Variants in HIPK3 observed in about 807,000 individuals in gnomAD.
The protein encoded by HIPK3 is homeodomain-interacting protein kinase 3.
In HIPK3, 47 loss-of-function variants were observed where a neutral mutation model predicts 124.2. The ratio of observed to expected loss-of-function variants is 0.38; its 90% CI spans 0.30 to 0.48. The LOEUF is 0.48. Among genes scored for constraint, HIPK3 ranks in the 20% least tolerant of loss-of-function variants. HIPK3 has a pLI of 0.98. For synonymous variants in HIPK3, 482 were observed against 515.2 expected, an observed-to-expected ratio of 0.94 and a Z score of 0.87; for missense variants, 1,286 against 1,454.3, an observed-to-expected ratio of 0.88 and a Z score of 1.88.
intron 8 of HIPK3, among the ~76,000 whole-genome samples, chr11:33,346,000 A>G (rs1032874603): frequency 1.3e-5 from 2 of 152,168 alleles, no homozygotes; most frequent in African/African-American, 2.4e-5. Context: ...AATTGATTAT[A>G]TTATATTTAA....
chr11:33,307,010 C>A (rs1852181150), intron 2 of HIPK3, among the ~76,000 whole-genome samples: 1 of 150,290 alleles, frequency 6.7e-6, no homozygotes, highest in Admixed American at 6.7e-5. Flanking sequence ...GCGAACTCAG[C>A]TCGCTGCAAC....
intron 3 of HIPK3, among the ~76,000 whole-genome samples, chr11:33,334,215 T>C (rs566311762): frequency 2.0e-5 from 3 of 152,300 alleles, no homozygotes; most frequent in East Asian, 3.9e-4. Context: ...ATAATAATTA[T>C]AAATGCATGT....
intron 1 of HIPK3, among the ~76,000 whole-genome samples, chr11:33,277,275 G>C (rs1851297669): frequency 6.6e-6 from 1 of 152,002 alleles, no homozygotes; most frequent in African/African-American, 2.4e-5. Flanking sequence ...TTTGTCTTCT[G>C]TTAACTTTAT....
At chr11:33,308,222 CAT>C (rs998549604) in intron 2 of HIPK3, among the ~76,000 whole-genome samples, 1 of 152,162 alleles carries the variant, frequency 6.6e-6, no homozygotes, top group South Asian at 2.1e-4. Context: ...CAGATGACCT[CAT>C]ATGTGTGGGT....
intron 1 of HIPK3, among the ~76,000 whole-genome samples, chr11:33,285,785 T>C (rs1851532306): frequency 1.3e-5 from 2 of 152,130 alleles, no homozygotes; most frequent in African/African-American, 4.8e-5. Flanking sequence ...CTGTACTTTT[T>C]TTTTGAGACA....
At position 33,286,741 on chromosome 11, in the gene HIPK3, T is replaced by A. The variant is rs951113658; in HGVS notation, c.327T>A (p.Ile109=). The A allele has an allele frequency of 6.2e-7, 1 of 1,613,958 alleles. No individual in the cohort carries two copies. The highest frequency in any genetic ancestry group is 1.1e-5 in the South Asian group (1 of 91,086). ...AAGCTCACGTGCAGGCACCTCAGAT[T>A]GGGGCGTGGCGAAACAGATTGCATT... ...AQQAHVQAPQ[I]GAWRNRLHFL... is the part of the protein sequence containing the mutation. Residue 109 remains isoleucine (I), a synonymous_variant, in exon 2 of 17, where the codon ATT becomes ATA. Coordinates refer to ENST00000303296, the MANE Select transcript of HIPK3 (RefSeq NM_005734.5).
chr11:33,293,728 A>G (rs1325844871), intron 2 of HIPK3, among the ~76,000 whole-genome samples: 2 of 152,198 alleles, frequency 1.3e-5, no homozygotes, highest in African/African-American at 2.4e-5. Flanking sequence ...AAACTGTAAT[A>G]TGGTCCAAGA....
chr11:33,353,697 C>T lies in HIPK3; in HGVS notation c.*129C>T, dbSNP rs994045563. 4.4e-6 allele frequency: 3 copies of T among 679,084 alleles called. No individual in the cohort carries two copies. Among genetic ancestry groups the T allele is most frequent in the Non-Finnish European group, 7.4e-6 (3 of 407,044 alleles). 42.1% of individuals were successfully genotyped at this position (679,084 alleles called of 1,614,324 possible). ...GTAGACTTGGGTGCAATTTAAACAA[C>T]TTTGAGCTTTAAAAACTCACTTTTG... On this transcript the variant is annotated 3_prime_UTR_variant, in exon 17 of 17. Coordinates refer to ENST00000303296, the MANE Select transcript of HIPK3 (RefSeq NM_005734.5).
chr11:33,338,773 A>G lies in HIPK3; in HGVS notation c.1358A>G (p.Glu453Gly). 1 of 1,610,046 alleles carries G rather than the reference A, an allele frequency of 6.2e-7. No individual in the cohort carries two copies. Among genetic ancestry groups the G allele is most frequent in the Non-Finnish European group, 8.5e-7 (1 of 1,176,810 alleles). The change falls in exon 5 of 17, where the codon GAG becomes GGG. Residue 453 changes from glutamate to glycine, a missense_variant. By Grantham distance (98) the Glu-to-Gly change is moderately conservative. Transcript: ENST00000303296. ...TGCAATAAGACATTGGAAGAGCATG[A>G]GGCAGAGACAGGAATGAAGTCTAAA... Reference protein sequence around the residue: ...GWRLKTLEEHEAETGMKSKEA... With the variant: ...GWRLKTLEEHGAETGMKSKEA...
intron 7 of HIPK3, 45 bp from the exon 8 acceptor site, chr11:33,341,518 A>G (rs1853333780): frequency 3.3e-6 from 5 of 1,523,188 alleles, no homozygotes; most frequent in Non-Finnish European, 4.4e-6. Context: ...CAGCGTGTAT[A>G]TTTCATTTAG....
At chr11:33,291,140 A>C (rs1453377732) in intron 2 of HIPK3, among the ~76,000 whole-genome samples, 1 of 152,192 alleles carries the variant, frequency 6.6e-6, no homozygotes, top group African/African-American at 2.4e-5. Flanking sequence ...TTTTGCATGA[A>C]AATGGCAGAT....
Position 33,346,599 on chromosome 11 carries a change from C to T in HIPK3, c.1898-694C>T, listed in dbSNP as rs192799979. Reference sequence around the variant, plus strand: ...CTAAAAGTTTGTATGAAAAGAAGAACCTTCACCTGCTAGGTTGTCAGCATA... The same window carrying T: ...CTAAAAGTTTGTATGAAAAGAAGAATCTTCACCTGCTAGGTTGTCAGCATA... On this transcript the variant is annotated intron_variant, in intron 8 of 16. Coordinates refer to ENST00000303296, the MANE Select transcript of HIPK3 (RefSeq NM_005734.5). 1.0e-3 allele frequency among the ~76,000 whole-genome samples: 155 copies of T among 152,222 alleles called. 1 individual carries two copies. The highest frequency in any genetic ancestry group is 9.3e-4 in the Non-Finnish European group (63 of 68,002).
chr11:33,320,995 T>G (rs1379587211), intron 2 of HIPK3, among the ~76,000 whole-genome samples: 1 of 148,026 alleles, frequency 6.8e-6, no homozygotes, highest in Non-Finnish European at 1.5e-5. Context: ...GTAAGGGAGG[T>G]TAGTGCACAT....
Position 33,354,861 on chromosome 11 carries a change from T to G in HIPK3, c.*1293T>G, listed in dbSNP as rs1448722878. 3.3e-5 allele frequency: 5 copies of G among 152,044 alleles called. No homozygotes were observed. Among genetic ancestry groups the G allele is most frequent in the African/African-American group, 1.2e-4 (5 of 41,436 alleles). 9.4% of individuals were successfully genotyped at this position (152,044 alleles called of 1,614,324 possible). On this transcript the variant is annotated 3_prime_UTR_variant, in exon 17 of 17. Transcript: ENST00000303296. ...CCTTCCCCGACATTTTTTTCTTTTTTGGGTGGTGGTGATGGTAGTGGTTAT... is the reference window on the plus strand; with the variant it reads ...CCTTCCCCGACATTTTTTTCTTTTTGGGGTGGTGGTGATGGTAGTGGTTAT...
rs978233024 is a variant in HIPK3, at chr11:33,350,464, C to G, written c.2808-1144C>G. Among the ~76,000 whole-genome samples, 6 of 150,314 alleles carry G rather than the reference C, an allele frequency of 4.0e-5. No individual in the cohort carries two copies. The South Asian group carries it at 1.3e-3, about 32-fold the overall frequency. ...GGAGGATCACTTGAGGCCAAGAGTT[C>G]GAGACCAGCCTGGACAACATAGTGA... On this transcript the variant is annotated intron_variant, in intron 14 of 16. Coordinates refer to ENST00000303296, the MANE Select transcript of HIPK3 (RefSeq NM_005734.5).
chr11:33,292,236 A>G (rs1851718298), intron 2 of HIPK3, among the ~76,000 whole-genome samples: 1 of 152,262 alleles, frequency 6.6e-6, no homozygotes, highest in Admixed American at 6.5e-5. Flanking sequence ...TGTAAGTCAG[A>G]CAGGTTCAAA....
chr11:33,327,932 C>A (rs1852859394), intron 2 of HIPK3, among the ~76,000 whole-genome samples: 1 of 152,074 alleles, frequency 6.6e-6, no homozygotes, highest in Non-Finnish European at 1.5e-5. Flanking sequence ...TGCTGAAATG[C>A]TTTTTAACTA....
At chr11:33,313,567 G>A (rs1323004877) in intron 2 of HIPK3, among the ~76,000 whole-genome samples, 2 of 152,076 alleles carry the variant, frequency 1.3e-5, no homozygotes, top group Admixed American at 1.3e-4. Flanking sequence ...TTAACATTTG[G>A]GGAATCTAGT....
chr11:33,280,545 G>C (rs1851385211), intron 1 of HIPK3, among the ~76,000 whole-genome samples: 1 of 152,152 alleles, frequency 6.6e-6, no homozygotes, highest in Admixed American at 6.5e-5. Flanking sequence ...ACTATAACTT[G>C]CATGATATTC....
Sources: gnomAD v4.1 joint callset for allele counts (sites outside exome capture counted in the v4.1 genomes callset) on GRCh38, gnomAD v4.1.1 for gene constraint, MANE v1.5 for transcripts, NCBI Gene and HGNC (gene_info 2026-07-23, HGNC 2026-07-21) for gene names.